SMPD3: variants seen among roughly 807,000 people sequenced by gnomAD.
SMPD3 encodes the protein sphingomyelin phosphodiesterase 3.
Under a neutral mutation model 55.7 loss-of-function variants are expected in SMPD3, and 21 were observed. The ratio of observed to expected loss-of-function variants is 0.38; its 90% CI spans 0.27 to 0.54. The LOEUF is 0.54. Among genes scored for constraint, SMPD3 ranks in the 20% least tolerant of loss-of-function variants. The pLI is 0.80. For synonymous variants in SMPD3, 457 were observed against 404.3 expected (o/e 1.13, Z -1.56); for missense variants, 842 against 899.6 (o/e 0.94, Z 0.82).
intron 3 of SMPD3, chr16:68,369,134 T>C (rs2151979914): frequency 6.7e-6 from 1 of 148,600 alleles, no homozygotes; most frequent in African/African-American, 2.5e-5. Context: ...GGAGAATTGC[T>C]TGAACCCGGG....
chr16:68,408,319 C>T (rs1316061935), intron 1 of SMPD3, among the ~76,000 whole-genome samples: 1 of 152,196 alleles, frequency 6.6e-6, no homozygotes, highest in Non-Finnish European at 1.5e-5. Context: ...TGTAGCCACA[C>T]ATAAAGCTGC....
At chr16:68,367,171 A>G (rs1012073722) in intron 3 of SMPD3, among the ~76,000 whole-genome samples, 7 of 152,134 alleles carry the variant, frequency 4.6e-5, no homozygotes, top group Non-Finnish European at 7.4e-5. Flanking sequence ...ACTGTCTCAA[A>G]ATAAATAAAA....
At chr16:68,431,609 A>T (rs1217290021) in intron 1 of SMPD3, among the ~76,000 whole-genome samples, 1 of 152,214 alleles carries the variant, frequency 6.6e-6, no homozygotes, top group African/African-American at 2.4e-5. Context: ...GCAAGACTGT[A>T]CTAGACACTT....
intron 1 of SMPD3, among the ~76,000 whole-genome samples, chr16:68,426,522 A>G (rs2090437460): frequency 6.6e-6 from 1 of 152,192 alleles, no homozygotes; most frequent in Non-Finnish European, 1.5e-5. Context: ...AAAGTGACTC[A>G]TTGATGAAAG....
intron 1 of SMPD3, among the ~76,000 whole-genome samples, chr16:68,389,221 G>T (rs925913462): frequency 1.3e-5 from 2 of 152,204 alleles, no homozygotes; most frequent in Non-Finnish European, 2.9e-5. Flanking sequence ...GTGGAAAGTG[G>T]GCCGTTTACC....
In SMPD3 at chr16:68,370,742, C is replaced by T. The variant is rs2089638278; in HGVS notation, c.1323+117G>A. On this transcript the variant is annotated intron_variant, in intron 3 of 8. Coordinates refer to ENST00000219334, the MANE Select transcript of SMPD3 (RefSeq NM_018667.4). Reference sequence around the variant, plus strand: ...CAGGAAAGACCGCGTCTGCCTCCCACTCCAACCTCCCACTCCAGCCCCCAT... The same window carrying T: ...CAGGAAAGACCGCGTCTGCCTCCCATTCCAACCTCCCACTCCAGCCCCCAT... 4 of 1,385,138 alleles carry T rather than the reference C, an allele frequency of 2.9e-6. No individual in the cohort carries two copies. The Admixed American group carries it at 6.8e-5, about 24-fold the overall frequency. The allele number at this position is 1,385,138 out of a possible 1,614,324, so 85.8% of individuals were successfully genotyped here.
At chr16:68,445,648 G>T (rs751402295) in intron 1 of SMPD3, among the ~76,000 whole-genome samples, 54 of 152,344 alleles carry the variant, frequency 3.5e-4, no homozygotes, top group Non-Finnish European at 6.2e-4. Flanking sequence ...TCCAGCAGAG[G>T]TCGCTGTGGA....
chr16:68,375,929 G>A (rs1452804806), intron 2 of SMPD3, among the ~76,000 whole-genome samples: 5 of 152,020 alleles, frequency 3.3e-5, no homozygotes, highest in East Asian at 1.9e-4. Context: ...CAGGTCCCCC[G>A]TCCATAGCCC....
chr16:68,363,733 G>A, intron 6 of SMPD3, 44 bp downstream of exon 6: 1 of 1,524,704 alleles, frequency 6.6e-7, no homozygotes, highest in African/African-American at 1.4e-5. Context: ...AGGGAAGTCT[G>A]TGGGGAGCCC....
chr16:68,358,524 T>C lies in SMPD3; in HGVS notation c.*2682A>G, dbSNP rs1242766683. ...TGTGCTTACCATAGAAAACCCCTAA[T>C]GTCCCATGAAGATACAATACAGAAA... is the stretch of plus-strand genomic sequence containing the variant. On this transcript the variant is annotated 3_prime_UTR_variant, in exon 9 of 9. Coordinates refer to ENST00000219334, the MANE Select transcript of SMPD3 (RefSeq NM_018667.4). 6.6e-6 allele frequency: 1 copy of C among 152,642 alleles called. No homozygotes were observed. Among genetic ancestry groups the C allele is most frequent in the Non-Finnish European group, 1.5e-5 (1 of 68,050 alleles). 9.5% of individuals were successfully genotyped at this position (152,642 alleles called of 1,614,324 possible).
chr16:68,388,256 G>A (rs1455861491), intron 1 of SMPD3, among the ~76,000 whole-genome samples: 1 of 152,222 alleles, frequency 6.6e-6, no homozygotes, highest in Admixed American at 6.5e-5. Flanking sequence ...GTACCTGGCA[G>A]GATCCCTCCC....
chr16:68,405,174 A>G (rs1219653265), intron 1 of SMPD3, among the ~76,000 whole-genome samples: 2 of 152,086 alleles, frequency 1.3e-5, no homozygotes, highest in Non-Finnish European at 1.5e-5. Context: ...CTCGGGACTC[A>G]TGGCTGCTCT....
intron 1 of SMPD3, among the ~76,000 whole-genome samples, chr16:68,410,709 G>A (rs985798104): frequency 7.9e-5 from 12 of 152,184 alleles, no homozygotes; most frequent in African/African-American, 2.7e-4. Flanking sequence ...CCAGCATCCC[G>A]AGTTTTTTGG....
At chr16:68,437,020 C>T (rs16957943) in intron 1 of SMPD3, among the ~76,000 whole-genome samples, 2,963 of 152,310 alleles carry the variant, frequency 0.019, 35 homozygotes, top group Non-Finnish European at 0.024. Flanking sequence ...ATTCCAGAGG[C>T]GTGAGGAAGC....
rs1483501076 is a variant in SMPD3, at chr16:68,371,417, T to TGGCC, written c.761_764dup (p.Pro256AlafsTer3). The TGGCC allele has an allele frequency of 6.4e-7, 1 of 1,569,754 alleles. No homozygotes were observed. The highest frequency in any genetic ancestry group is 8.6e-7 in the Non-Finnish European group (1 of 1,166,304). On this transcript the variant is annotated frameshift_variant, in exon 3 of 9. Coordinates refer to ENST00000219334, the MANE Select transcript of SMPD3 (RefSeq NM_018667.4). LOFTEE classifies it high-confidence loss of function. ...CAGGCACAGGGTCGTCAGCTTCAGG[T>TGGCC]GGCCGGCCGCCCTCCTCGCCACCGA...
At chr16:68,373,562 T>TCTC (rs1276803616) in intron 2 of SMPD3, among the ~76,000 whole-genome samples, 1 of 152,020 alleles carries the variant, frequency 6.6e-6, no homozygotes, top group Non-Finnish European at 1.5e-5. Context: ...CCCCACACCC[T>TCTC]CTCCTCCTCC....
At chr16:68,365,323 G>T (rs894782544) in intron 3 of SMPD3, among the ~76,000 whole-genome samples, 12 of 152,164 alleles carry the variant, frequency 7.9e-5, no homozygotes, top group African/African-American at 2.9e-4. Flanking sequence ...GGGAGTGCTG[G>T]CGGCCATCTG....
chr16:68,402,910 G>A (rs771318410), intron 1 of SMPD3, among the ~76,000 whole-genome samples: 2 of 152,236 alleles, frequency 1.3e-5, no homozygotes, highest in Admixed American at 1.3e-4. Flanking sequence ...AGAAGGGCTT[G>A]TTGGGCCTGA....
intron 1 of SMPD3, among the ~76,000 whole-genome samples, chr16:68,390,138 A>G (rs1474069918): frequency 6.6e-6 from 1 of 152,230 alleles, no homozygotes. Flanking sequence ...GACTTCTGGA[A>G]CATTGCCCTG....
Sources: gnomAD v4.1 joint callset for allele counts (sites outside exome capture counted in the v4.1 genomes callset) on GRCh38, gnomAD v4.1.1 for gene constraint, MANE v1.5 for transcripts, NCBI Gene and HGNC (gene_info 2026-07-23, HGNC 2026-07-21) for gene names.